EZH2: variants seen among roughly 807,000 people sequenced by gnomAD.
The protein encoded by EZH2 is histone-lysine N-methyltransferase EZH2.
A neutral mutation model predicts 98.4 loss-of-function variants in EZH2; 18 were observed. The observed-to-expected ratio is 0.18, with a 90% CI of 0.13 to 0.27. The LOEUF (loss-of-function observed/expected upper bound fraction) is 0.27. Among genes scored for constraint, EZH2 ranks in the 10% least tolerant of loss-of-function variants. The pLI is 1.00. For synonymous variants in EZH2, 338 were observed against 312.3 expected, an observed-to-expected ratio of 1.08 and a Z score of -0.87; for missense variants, 470 against 935.1, an observed-to-expected ratio of 0.50 and a Z score of 6.49.
At chr7:148,828,708 TG>T (rs1563243340) in intron 6 of EZH2, 31 bp downstream of exon 6, 1 of 1,598,744 alleles carries the variant, frequency 6.3e-7, no homozygotes, top group Non-Finnish European at 8.5e-7. Flanking sequence ...AAAGCTGTAA[TG>T]GCTACACAGA....
chr7:148,877,130 T>C (rs2129494292), intron 1 of EZH2, among the ~76,000 whole-genome samples: 1 of 152,298 alleles, frequency 6.6e-6, no homozygotes, highest in Middle Eastern at 3.4e-3. Flanking sequence ...AATAACTTGG[T>C]CCCATTTTTA....
intron 1 of EZH2, among the ~76,000 whole-genome samples, chr7:148,866,121 C>T (rs375039016): frequency 1.3e-5 from 2 of 152,080 alleles, no homozygotes; most frequent in African/African-American, 2.4e-5. Flanking sequence ...GTAAGTCTTT[C>T]CATGATTTTC....
At chr7:148,828,222 G>A (rs1158303285) in intron 6 of EZH2, among the ~76,000 whole-genome samples, 1 of 152,174 alleles carries the variant, frequency 6.6e-6, no homozygotes, top group Non-Finnish European at 1.5e-5. Flanking sequence ...TGTACACGGT[G>A]AATATCAATG....
At chr7:148,848,306 CA>C (rs985306279) in intron 1 of EZH2, among the ~76,000 whole-genome samples, 4 of 152,112 alleles carry the variant, frequency 2.6e-5, no homozygotes, top group Non-Finnish European at 4.4e-5. Context: ...AGCATCCCGA[CA>C]AGGGGTGACA....
At chr7:148,872,367 C>T (rs760149642) in intron 1 of EZH2, among the ~76,000 whole-genome samples, 4 of 152,104 alleles carry the variant, frequency 2.6e-5, no homozygotes, top group Admixed American at 1.3e-4. Flanking sequence ...TCAATGGGTA[C>T]AGAATTTCAG....
intron 1 of EZH2, among the ~76,000 whole-genome samples, chr7:148,859,639 G>C (rs1417378338): frequency 1.3e-5 from 2 of 152,176 alleles, no homozygotes; most frequent in Non-Finnish European, 2.9e-5. Flanking sequence ...AATGTGAGCT[G>C]AAGTACTCAG....
intron 1 of EZH2, among the ~76,000 whole-genome samples, chr7:148,873,615 C>T (rs1819778929): frequency 9.5e-6 from 1 of 105,404 alleles, no homozygotes; most frequent in Admixed American, 1.3e-4. Context: ...TGACTTTGAT[C>T]AACAGTCTAC....
chr7:148,835,092 A>G (rs962716436), intron 3 of EZH2, among the ~76,000 whole-genome samples: 1 of 152,214 alleles, frequency 6.6e-6, no homozygotes, highest in African/African-American at 2.4e-5. Context: ...ATGGGGTAAA[A>G]TAACAATTAC....
In EZH2 at chr7:148,817,988, C is replaced by T. The variant is rs1281404133; in HGVS notation, c.1129G>A (p.Val377Met). ...CTGTCTGTATCCTTTGATTCCAGCA[C>T]ATTAATGGTGGGGGTGCTGGGCCTG... is the stretch of plus-strand genomic sequence containing the variant. ...SSRPSTPTIN[V>M]LESKDTDSDR... Residue 377 changes from valine (V) to methionine (M), a missense_variant, in exon 10 of 20, where the codon GTG becomes ATG. Physicochemically the swap from Val to Met is conservative, Grantham distance 21 (BLOSUM62 1). Transcript: ENST00000320356. 1.2e-6 allele frequency: 2 copies of T among 1,614,060 alleles called. No individual in the cohort carries two copies.
chr7:148,851,632 C>A (rs575834211), intron 1 of EZH2, among the ~76,000 whole-genome samples: 21 of 152,248 alleles, frequency 1.4e-4, no homozygotes, highest in African/African-American at 5.1e-4. Flanking sequence ...TTTTGGGAGG[C>A]CAAGGTTGGA....
intron 1 of EZH2, among the ~76,000 whole-genome samples, chr7:148,866,621 C>CAT (rs1418752500): frequency 1.4e-5 from 2 of 138,750 alleles, no homozygotes; most frequent in Non-Finnish European, 3.1e-5. Flanking sequence ...AATATATATG[C>CAT]ATATATGTAT....
chr7:148,832,210 G>C (rs1809575912), intron 4 of EZH2, among the ~76,000 whole-genome samples: 1 of 152,024 alleles, frequency 6.6e-6, no homozygotes, highest in Non-Finnish European at 1.5e-5. Context: ...TCAGCCTCCT[G>C]AGTAGCTTGG....
chr7:148,824,117 C>T (rs1273761254), intron 8 of EZH2, among the ~76,000 whole-genome samples: 1 of 152,146 alleles, frequency 6.6e-6, no homozygotes, highest in East Asian at 1.9e-4. Flanking sequence ...GAGTTCAAGA[C>T]CAGCCTGGCC....
At chr7:148,809,897 G>C (rs1802553815) in intron 17 of EZH2, among the ~76,000 whole-genome samples, 1 of 152,188 alleles carries the variant, frequency 6.6e-6, no homozygotes, top group African/African-American at 2.4e-5. Context: ...CAGAACATCA[G>C]CTATGAAAGC....
chr7:148,831,609 T>A (rs1809408474), intron 4 of EZH2, among the ~76,000 whole-genome samples: 1 of 152,204 alleles, frequency 6.6e-6, no homozygotes, highest in Admixed American at 6.5e-5. Context: ...AATTTCAGTC[T>A]GTGAAAACAT....
At chr7:148,872,028 A>G (rs1380074032) in intron 1 of EZH2, among the ~76,000 whole-genome samples, 2 of 152,230 alleles carry the variant, frequency 1.3e-5, no homozygotes, top group Non-Finnish European at 2.9e-5. Flanking sequence ...CATTTACTGC[A>G]TATTACTCCT....
chr7:148,815,570 AAC>A, intron 12 of EZH2, 24 bp from the exon 13 acceptor site: 1 of 1,612,250 alleles, frequency 6.2e-7, no homozygotes, highest in Non-Finnish European at 8.5e-7. Flanking sequence ...AAGAAAATTA[AAC>A]CAAATTTCTG....
At chr7:148,850,220 G>A (rs1225748581) in intron 1 of EZH2, among the ~76,000 whole-genome samples, 7 of 152,040 alleles carry the variant, frequency 4.6e-5, no homozygotes, top group Admixed American at 1.3e-4. Flanking sequence ...GGGTTTCACC[G>A]TGTTAGCCAG....
intron 14 of EZH2, among the ~76,000 whole-genome samples, chr7:148,814,348 T>C (rs1000780498): frequency 1.3e-5 from 2 of 152,156 alleles, no homozygotes; most frequent in Non-Finnish European, 2.9e-5. Flanking sequence ...TGTTTTTCCA[T>C]TTTTCATTTG....
Sources: allele counts gnomAD v4.1 joint callset (sites outside exome capture counted in the v4.1 genomes callset), GRCh38; gene constraint gnomAD v4.1.1; transcripts MANE v1.5; gene names NCBI Gene and HGNC (gene_info 2026-07-23, HGNC 2026-07-21).